Variants in ENPP2 observed in about 807,000 individuals in gnomAD.
ENPP2 encodes the protein ectonucleotide pyrophosphatase/phosphodiesterase 2, also known as autotaxin.
In ENPP2, 51 loss-of-function variants were observed where a neutral mutation model predicts 120.2. That is an observed-to-expected ratio of 0.42 (90% CI 0.34 to 0.54). ENPP2 has a LOEUF of 0.54. Among genes scored for constraint, ENPP2 ranks in the 20% least tolerant of loss-of-function variants. The pLI is 0.04. For missense variants in ENPP2, 920 were observed against 1,066.5 expected, an observed-to-expected ratio of 0.86 and a Z score of 1.91; for synonymous variants, 365 against 366.4, an observed-to-expected ratio of 1.00 and a Z score of 0.04.
At chr8:119,566,220 G>A (rs1191811551) in intron 22 of ENPP2, among the ~76,000 whole-genome samples, 5 of 152,172 alleles carry the variant, frequency 3.3e-5, no homozygotes, top group Non-Finnish European at 5.9e-5. Flanking sequence ...GCCAACCAGA[G>A]GGGCAGAATG....
At chr8:119,618,974 G>C (rs957543251) in intron 5 of ENPP2, among the ~76,000 whole-genome samples, 2 of 152,120 alleles carry the variant, frequency 1.3e-5, no homozygotes, top group African/African-American at 4.8e-5. Flanking sequence ...GATGCACTTT[G>C]TAAAATCCTC....
chr8:119,607,896 AC>A (rs1814832407), intron 9 of ENPP2, 25 bp downstream of exon 9: 2 of 1,458,812 alleles, frequency 1.4e-6, no homozygotes, highest in African/African-American at 2.8e-5. Flanking sequence ...CATTTTATAA[AC>A]ATTGACAAAA....
At chr8:119,617,877 A>G (rs1303469100) in intron 5 of ENPP2, among the ~76,000 whole-genome samples, 2 of 152,290 alleles carry the variant, frequency 1.3e-5, no homozygotes, top group East Asian at 3.9e-4. Context: ...TGAACAGGGG[A>G]GACAGATGTT....
At chr8:119,669,929 C>T (rs759712533) in intron 1 of ENPP2, among the ~76,000 whole-genome samples, 1 of 152,184 alleles carries the variant, frequency 6.6e-6, no homozygotes, top group Non-Finnish European at 1.5e-5. Flanking sequence ...TCTAGCATCC[C>T]AAATTCTCCA....
At chr8:119,560,949 G>A (rs956556807) in intron 24 of ENPP2, among the ~76,000 whole-genome samples, 21 of 151,982 alleles carry the variant, frequency 1.4e-4, no homozygotes, top group Non-Finnish European at 2.8e-4. Flanking sequence ...ATATGTAGAG[G>A]ACCTACACAT....
At chr8:119,631,825 T>C (rs1816704995) in intron 2 of ENPP2, among the ~76,000 whole-genome samples, 3 of 152,124 alleles carry the variant, frequency 2.0e-5, no homozygotes, top group African/African-American at 7.2e-5. Context: ...TACATAGTTT[T>C]GGGGTGATAA....
rs550854740 is a variant in ENPP2 at position 119,648,038 on chromosome 8, A to G, written c.22-9511T>C. ...AGAAAAGTTTGGATTCTGGAGTCCC[A>G]CTGACTTGAGTCTGCCTGTTTCAAG... is the stretch of plus-strand genomic sequence containing the variant. On this transcript the variant is annotated intron_variant, in intron 1 of 25. Coordinates refer to the ENPP2 transcript ENST00000427067. Among the ~76,000 whole-genome samples the G allele has an allele frequency of 7.1e-4, 108 of 152,332 alleles. 3 individuals are homozygous for G. The South Asian group carries it at 0.019, about 26-fold the overall frequency.
In ENPP2 at chr8:119,612,691, A is replaced by G. The variant is rs528803236; in HGVS notation, c.777+3574T>C. Among the ~76,000 whole-genome samples the G allele has an allele frequency of 1.4e-4, 21 of 152,282 alleles. No homozygotes were observed. The South Asian group carries it at 4.2e-3, about 30-fold the overall frequency. On this transcript the variant is annotated intron_variant, in intron 8 of 24. Transcript: ENST00000075322. ...CCTTGCTTGAGCTCAGAAGTTGGAGACAATCCTGGGCAACAAGGCGAAATG... is the reference window on the plus strand; with the variant it reads ...CCTTGCTTGAGCTCAGAAGTTGGAGGCAATCCTGGGCAACAAGGCGAAATG...
chr8:119,566,893 AC>A (rs1331939258), intron 22 of ENPP2, among the ~76,000 whole-genome samples: 3 of 152,256 alleles, frequency 2.0e-5, no homozygotes, highest in Non-Finnish European at 4.4e-5. Context: ...TTAAAAGCAT[AC>A]TTTAATTTTT....
At chr8:119,638,333 T>C in intron 2 of ENPP2, 92 bp downstream of exon 2, 1 of 691,420 alleles carries the variant, frequency 1.4e-6, no homozygotes, top group Non-Finnish European at 2.5e-6. Context: ...TGCAAGATTG[T>C]ATTAAAAATA....
At chr8:119,640,087 T>C (rs1303490654), upstream of ENPP2, among the ~76,000 whole-genome samples, 1 of 152,188 alleles carries the variant, frequency 6.6e-6, no homozygotes, top group Non-Finnish European at 1.5e-5. Flanking sequence ...AACTTGTTTA[T>C]AGGGGGTTGT....
intron 2 of ENPP2, among the ~76,000 whole-genome samples, chr8:119,634,199 C>G (rs911411365): frequency 6.8e-6 from 1 of 146,140 alleles, no homozygotes; most frequent in African/African-American, 2.7e-5. Context: ...TAAATACATA[C>G]ATACATACAT....
At chr8:119,587,210 A>T in intron 13 of ENPP2, 135 bp from the exon 14 acceptor site, 1 of 751,050 alleles carries the variant, frequency 1.3e-6, no homozygotes, top group Non-Finnish European at 2.3e-6. Flanking sequence ...TGTTTGAAAG[A>T]TAAATAATTG....
In ENPP2 at chr8:119,638,738, G is replaced by T. The variant is rs1055439288; in HGVS notation, c.33+10C>A. The T allele has an allele frequency of 1.1e-5, 17 of 1,517,836 alleles. No homozygotes were observed. The highest frequency in any genetic ancestry group is 1.5e-5 in the Non-Finnish European group (16 of 1,092,190). 94.0% of individuals were successfully genotyped at this position (1,517,836 alleles called of 1,614,324 possible). ...CAAGCATGTCCCCCGTCATTCCTCCGTTCTCCCACCTGACACGACTGGAAC... is the reference window on the plus strand; with the variant it reads ...CAAGCATGTCCCCCGTCATTCCTCCTTTCTCCCACCTGACACGACTGGAAC... On this transcript the variant is annotated intron_variant, in intron 1 of 24. Transcript: ENST00000075322.
At chr8:119,610,757 G>T (rs978803807) in intron 8 of ENPP2, among the ~76,000 whole-genome samples, 1 of 151,982 alleles carries the variant, frequency 6.6e-6, no homozygotes, top group Non-Finnish European at 1.5e-5. Flanking sequence ...CAAAAAACCA[G>T]CCAGGAGTCG....
chr8:119,650,915 G>T (rs906236938), intron 1 of ENPP2, among the ~76,000 whole-genome samples: 3 of 152,046 alleles, frequency 2.0e-5, no homozygotes, highest in African/African-American at 7.2e-5. Context: ...AACAGAGTTT[G>T]TGGGGCAGTT....
chr8:119,668,928 A>G (rs1210817527), intron 1 of ENPP2, among the ~76,000 whole-genome samples: 1 of 152,114 alleles, frequency 6.6e-6, no homozygotes, highest in African/African-American at 2.4e-5. Context: ...TGTCATACAC[A>G]TACACACATA....
chr8:119,569,440 T>A (rs1273045559), intron 20 of ENPP2, 70 bp from the exon 21 acceptor site: 1 of 1,468,316 alleles, frequency 6.8e-7, no homozygotes, highest in Non-Finnish European at 9.4e-7. Flanking sequence ...AAAACCCCTC[T>A]GGCTTCTCCT....
At chr8:119,582,626 G>C (rs781312168) in intron 17 of ENPP2, 24 bp from the exon 18 acceptor site, 1 of 1,543,588 alleles carries the variant, frequency 6.5e-7, no homozygotes. Context: ...AGAAAAGGAG[G>C]CAGGTGCTTC....
Sources: allele counts gnomAD v4.1 joint callset (sites outside exome capture counted in the v4.1 genomes callset), GRCh38; gene constraint gnomAD v4.1.1; transcripts MANE v1.5; gene names NCBI Gene and HGNC (gene_info 2026-07-23, HGNC 2026-07-21).